The following DCUN1D4 variants were observed in gnomAD, a reference collection of about 807,000 sequenced individuals.
DCUN1D4 encodes defective in cullin neddylation 1 domain containing 4.
In DCUN1D4, 22 loss-of-function variants were observed where a neutral mutation model predicts 47.9. That is an observed-to-expected ratio of 0.46 (90% CI 0.33 to 0.66). The LOEUF is 0.66. Ranked by LOEUF, DCUN1D4 falls within the 30% of genes least tolerant of loss-of-function variation. The pLI is 0.02. For synonymous variants in DCUN1D4, 121 were observed against 112.2 expected (o/e 1.08, Z -0.50); for missense variants, 301 against 340.8 (o/e 0.88, Z 0.92).
chr4:51,881,648 T>A (rs1242100090), intron 5 of DCUN1D4, among the ~76,000 whole-genome samples: 2 of 149,192 alleles, frequency 1.3e-5, no homozygotes, highest in African/African-American at 4.9e-5. Context: ...GCTTATTATT[T>A]TAGATACAAG....
intron 1 of DCUN1D4, among the ~76,000 whole-genome samples, chr4:51,851,286 G>T (rs550999550): frequency 6.6e-6 from 1 of 152,204 alleles, no homozygotes; most frequent in Non-Finnish European, 1.5e-5. Context: ...TGCATGGGAC[G>T]ATGATGCCTG....
In DCUN1D4 at chr4:51,913,650, G is replaced by T; in HGVS notation, c.*66G>T. 2 of 1,455,696 alleles carry T rather than the reference G, an allele frequency of 1.4e-6. No homozygotes were observed. The highest frequency in any genetic ancestry group is 1.9e-6 in the Non-Finnish European group (2 of 1,041,478). The allele number at this position is 1,455,696 out of a possible 1,614,324, so 90.2% of individuals were successfully genotyped here. On this transcript the variant is annotated 3_prime_UTR_variant, in exon 11 of 11. Coordinates refer to ENST00000334635, the MANE Select transcript of DCUN1D4 (RefSeq NM_001040402.3). ...TTTTGTCACCCATTAGCCATAAATTGCTGTTTGTATCAAAGCGCATGCTGC... is the reference window on the plus strand; with the variant it reads ...TTTTGTCACCCATTAGCCATAAATTTCTGTTTGTATCAAAGCGCATGCTGC...
chr4:51,870,876 GT>G (rs527299238), intron 3 of DCUN1D4, among the ~76,000 whole-genome samples: 11 of 148,310 alleles, frequency 7.4e-5, no homozygotes, highest in Middle Eastern at 3.6e-3. Flanking sequence ...TTAAAAAGTT[GT>G]TTTTTTTTTG....
At position 51,861,133 on chromosome 4, in the gene DCUN1D4, G is replaced by A. The variant is rs1009248071; in HGVS notation, c.26-2304G>A. 3.3e-5 allele frequency among the ~76,000 whole-genome samples: 5 copies of A among 152,316 alleles called. 1 individual carries two copies. Among genetic ancestry groups the A allele is most frequent in the South Asian group, 2.1e-4 (1 of 4,820 alleles). ...TTCAACCATACAACAACATTATGAA[G>A]GAGAATTTTTTATCCTCACTTTACA... is the stretch of plus-strand genomic sequence containing the variant. On this transcript the variant is annotated intron_variant, in intron 1 of 10. Transcript: ENST00000334635.
intron 9 of DCUN1D4, among the ~76,000 whole-genome samples, chr4:51,913,057 G>T (rs535500941): frequency 6.6e-6 from 1 of 152,082 alleles, no homozygotes; most frequent in South Asian, 2.1e-4. Context: ...ATGTTATTTT[G>T]ATGTGCTTTC....
intron 1 of DCUN1D4, among the ~76,000 whole-genome samples, chr4:51,861,486 T>C (rs903760771): frequency 3.3e-5 from 5 of 152,192 alleles, no homozygotes; most frequent in African/African-American, 1.2e-4. Context: ...GAGAAAGATA[T>C]AACAGTTTTG....
chr4:51,840,544 C>T (rs145146785), upstream of DCUN1D4, among the ~76,000 whole-genome samples: 1 of 152,282 alleles, frequency 6.6e-6, no homozygotes, highest in South Asian at 2.1e-4. Context: ...GATGTCAAGT[C>T]TCTTATTTTT....
At chr4:51,849,627 G>A (rs1723066909) in intron 1 of DCUN1D4, among the ~76,000 whole-genome samples, 1 of 152,120 alleles carries the variant, frequency 6.6e-6, no homozygotes, top group African/African-American at 2.4e-5. Context: ...TCAGCTGTGG[G>A]TCGTGGGAGC....
intron 5 of DCUN1D4, among the ~76,000 whole-genome samples, chr4:51,878,374 T>C (rs1416437032): frequency 2.6e-5 from 4 of 152,326 alleles, no homozygotes; most frequent in Middle Eastern, 3.4e-3. Context: ...TTATTGTGGC[T>C]TTGTATGGTG....
chr4:51,848,174 C>T (rs1409009556), intron 1 of DCUN1D4: 1 of 1,265,764 alleles, frequency 7.9e-7, no homozygotes, highest in Non-Finnish European at 1.0e-6. Context: ...CAGTTGTATG[C>T]AAACTAATTT....
intron 1 of DCUN1D4, among the ~76,000 whole-genome samples, chr4:51,855,551 C>G (rs749864221): frequency 3.3e-5 from 5 of 152,058 alleles, no homozygotes; most frequent in Non-Finnish European, 7.4e-5. Flanking sequence ...CTGTGAACGT[C>G]AAGGGTCATG....
At chr4:51,873,299 A>G (rs926384666) in intron 3 of DCUN1D4, among the ~76,000 whole-genome samples, 1 of 152,236 alleles carries the variant, frequency 6.6e-6, no homozygotes, top group Non-Finnish European at 1.5e-5. Context: ...TCTGTTAAGT[A>G]GAAATAATTA....
At chr4:51,898,496 T>C (rs1731610316) in intron 7 of DCUN1D4, among the ~76,000 whole-genome samples, 2 of 152,262 alleles carry the variant, frequency 1.3e-5, no homozygotes, top group Admixed American at 6.5e-5. Context: ...TATTGGGGAC[T>C]GGACATTTAT....
At chr4:51,903,901 A>G (rs906957672) in intron 8 of DCUN1D4, among the ~76,000 whole-genome samples, 4 of 152,060 alleles carry the variant, frequency 2.6e-5, no homozygotes, top group African/African-American at 9.7e-5. Context: ...TTGAATTTCT[A>G]GAACATGTTT....
chr4:51,885,259 A>G (rs1729280888), intron 5 of DCUN1D4, among the ~76,000 whole-genome samples: 1 of 152,162 alleles, frequency 6.6e-6, no homozygotes, highest in Non-Finnish European at 1.5e-5. Flanking sequence ...TCATGAGGAG[A>G]CTGCTGTAGT....
upstream of DCUN1D4, among the ~76,000 whole-genome samples, chr4:51,839,925 C>A (rs936002086): frequency 2.0e-5 from 3 of 152,180 alleles, no homozygotes; most frequent in African/African-American, 4.8e-5. Flanking sequence ...TCTTACTAGA[C>A]TTCTCCATAT....
At chr4:51,905,299 C>T (rs966924892) in intron 8 of DCUN1D4, 16 of 437,730 alleles carry the variant, frequency 3.7e-5, no homozygotes, top group Middle Eastern at 4.1e-4. Context: ...CAGCAGGGCC[C>T]GCATCTGCCC....
At chr4:51,897,802 A>G (rs1239206568) in intron 7 of DCUN1D4, among the ~76,000 whole-genome samples, 1 of 152,228 alleles carries the variant, frequency 6.6e-6, no homozygotes. Flanking sequence ...TTAGGGGGCT[A>G]CTGCCCAAAT....
intron 1 of DCUN1D4, among the ~76,000 whole-genome samples, chr4:51,853,167 G>A (rs924655271): frequency 5.9e-5 from 9 of 152,190 alleles, no homozygotes; most frequent in Non-Finnish European, 1.2e-4. Context: ...ATGGATGGAT[G>A]CTGCCTCCCT....
Sources: gnomAD v4.1 joint callset for allele counts (sites outside exome capture counted in the v4.1 genomes callset) on GRCh38, gnomAD v4.1.1 for gene constraint, MANE v1.5 for transcripts, NCBI Gene and HGNC (gene_info 2026-07-23, HGNC 2026-07-21) for gene names.